Variants in PBRM1 observed in about 807,000 individuals in gnomAD.
PBRM1 encodes polybromo 1.
PBRM1 carries 27 observed loss-of-function variants against 194.5 expected under a neutral mutation model. That is an observed-to-expected ratio of 0.14 (90% CI 0.10 to 0.19). The LOEUF is 0.19. Among genes scored for constraint, PBRM1 ranks in the 10% least tolerant of loss-of-function variants. The probability of loss-of-function intolerance (pLI) is 1.00; values close to 1 mark genes in which losing one functional copy is unlikely to be tolerated. For missense variants in PBRM1, 1,466 were observed against 2,077.2 expected, an observed-to-expected ratio of 0.71 and a Z score of 5.72; for synonymous variants, 655 against 693.2, an observed-to-expected ratio of 0.94 and a Z score of 0.87.
chr3:52,662,878 C>T (rs1205999488), intron 3 of PBRM1, among the ~76,000 whole-genome samples: 2 of 147,806 alleles, frequency 1.4e-5, no homozygotes, highest in African/African-American at 5.0e-5. Flanking sequence ...ATTACTAATA[C>T]ACTAAGAAAG....
chr3:52,553,701 G>A (rs893075541), intron 27 of PBRM1, among the ~76,000 whole-genome samples: 1 of 139,904 alleles, frequency 7.1e-6, no homozygotes, highest in African/African-American at 2.7e-5. Context: ...TCTTGCTGTC[G>A]CCCAGGCTGG....
At chr3:52,574,793 G>A (rs1353554541) in intron 22 of PBRM1, among the ~76,000 whole-genome samples, 3 of 152,220 alleles carry the variant, frequency 2.0e-5, no homozygotes, top group East Asian at 1.9e-4. Flanking sequence ...AAGACTGGGA[G>A]TTTTATGGTT....
At position 52,581,560 on chromosome 3, in the gene PBRM1, A is replaced by C. The variant is rs1208268257; in HGVS notation, c.3388-2361T>G. ...ATACATGACAGGCAAGGGACATCTG[A>C]AAGAATGGAAGCTGTGAATAAAACA... On this transcript the variant is annotated intron_variant, in intron 20 of 29. Transcript: ENST00000296302. Among the ~76,000 whole-genome samples, 3 of 152,004 alleles carry C rather than the reference A, an allele frequency of 2.0e-5. No homozygotes were observed. The East Asian group carries it at 5.8e-4, about 29-fold the overall frequency.
intron 2 of PBRM1, among the ~76,000 whole-genome samples, chr3:52,669,063 T>G (rs1041752682): frequency 1.3e-5 from 2 of 152,192 alleles, no homozygotes; most frequent in African/African-American, 4.8e-5. Flanking sequence ...ACAGATTCTT[T>G]CTTCAGTAAG....
intron 18 of PBRM1, 100 bp downstream of exon 20, chr3:52,588,970 G>T: frequency 1.3e-6 from 1 of 778,480 alleles, no homozygotes; most frequent in Non-Finnish European, 2.2e-6. Flanking sequence ...ATTATGGAAA[G>T]GCTTAAGATG....
intron 27 of PBRM1, among the ~76,000 whole-genome samples, chr3:52,554,387 T>A (rs1216317413): frequency 1.3e-5 from 2 of 152,258 alleles, no homozygotes; most frequent in Admixed American, 1.3e-4. Context: ...CATTCACTGA[T>A]AAGAGGACAC....
At chr3:52,593,604 G>A (rs1317814760) in intron 17 of PBRM1, among the ~76,000 whole-genome samples, 1 of 152,158 alleles carries the variant, frequency 6.6e-6, no homozygotes, top group East Asian at 1.9e-4. Flanking sequence ...CCTTAGCTGT[G>A]TCCCAGAGAT....
At chr3:52,616,996 A>T (rs1216296454) in intron 14 of PBRM1, among the ~76,000 whole-genome samples, 3 of 152,330 alleles carry the variant, frequency 2.0e-5, no homozygotes, top group Admixed American at 2.0e-4. Flanking sequence ...ATAGATGAAG[A>T]AATTGAGGCT....
intron 17 of PBRM1, among the ~76,000 whole-genome samples, chr3:52,596,510 C>CTACTGTTG (rs1052068560): frequency 1.4e-5 from 2 of 138,250 alleles, no homozygotes; most frequent in Non-Finnish European, 3.1e-5. Flanking sequence ...TACTACCTGG[C>CTACTGTTG]TACTGTTGCT....
chr3:52,547,025 T>A (rs946232338), downstream of PBRM1: 1 of 233,266 alleles, frequency 4.3e-6, no homozygotes, highest in African/African-American at 2.2e-5. Context: ...TTCACAATTA[T>A]GCTTCTTATA....
In PBRM1 at chr3:52,651,723, C is replaced by T; in HGVS notation, c.714+19G>A. The T allele has an allele frequency of 6.9e-7, 1 of 1,453,722 alleles. No homozygotes were observed. Among genetic ancestry groups the T allele is most frequent in the African/African-American group, 1.4e-5 (1 of 70,700 alleles). 90.1% of individuals were successfully genotyped at this position (1,453,722 alleles called of 1,614,324 possible). On this transcript the variant is annotated intron_variant, in intron 6 of 29. Coordinates refer to ENST00000296302, the Ensembl canonical transcript of PBRM1. ...ATCTGCTCTAAACCACAATCATTTA[C>T]TTATGGTCATCTTCATACCTGTATC...
Position 52,636,757 on chromosome 3 carries a change from CAAAAAAAAAAAAAAA to C in PBRM1, c.1088-1957_1088-1943del, listed in dbSNP as rs567776784. Among the ~76,000 whole-genome samples the C allele has an allele frequency of 1.3e-3, 25 of 18,684 alleles. 2 individuals are homozygous for C. The Admixed American group carries it at 0.02, about 15-fold the overall frequency. 12.3% of individuals were successfully genotyped at this position (18,684 alleles called of 152,430 possible). A position where few individuals can be genotyped will look rare whatever the true frequency, so the allele number is the denominator to read the frequency against. On this transcript the variant is annotated intron_variant, in intron 10 of 29. Transcript: ENST00000296302. ...GGGCAAAAGAGTGAAACTCTGTCTC[CAAAAAAAAAAAAAAA>C]AAAAAAAAAAAAAAGAATTTAATTA...
At chr3:52,627,734 G>A (rs2095490063) in intron 12 of PBRM1, among the ~76,000 whole-genome samples, 1 of 152,146 alleles carries the variant, frequency 6.6e-6, no homozygotes, top group South Asian at 2.1e-4. Flanking sequence ...TGACTTCTAA[G>A]GGGCAGTGTG....
intron 13 of PBRM1, among the ~76,000 whole-genome samples, chr3:52,626,895 T>C (rs2095465623): frequency 1.3e-5 from 2 of 152,102 alleles, no homozygotes; most frequent in African/African-American, 2.4e-5. Flanking sequence ...AGTGGTAGTA[T>C]CAAATTTCTC....
chr3:52,663,904 A>T (rs1276931466), intron 3 of PBRM1, among the ~76,000 whole-genome samples: 2 of 151,988 alleles, frequency 1.3e-5, no homozygotes, highest in East Asian at 3.9e-4. Context: ...CTGAAAATAC[A>T]AAAAAATTAG....
At chr3:52,596,999 A>G (rs1421563707) in intron 17 of PBRM1, among the ~76,000 whole-genome samples, 1 of 152,066 alleles carries the variant, frequency 6.6e-6, no homozygotes. Flanking sequence ...CTGGAACCCA[A>G]GTTCTGACAA....
intron 3 of PBRM1, among the ~76,000 whole-genome samples, chr3:52,667,090 T>C (rs1198694561): frequency 5.6e-4 from 86 of 152,228 alleles, no homozygotes; most frequent in Admixed American, 1.9e-3. Context: ...AATTGATTCC[T>C]ACCTTATAAA....
chr3:52,644,623 TC>T, intron 8 of PBRM1, 80 bp downstream of exon 9: 1 of 593,276 alleles, frequency 1.7e-6, no homozygotes, highest in Non-Finnish European at 3.0e-6. Flanking sequence ...GACCTCGTGA[TC>T]CGCCCACCTC....
intron 2 of PBRM1, 142 bp downstream of exon 3, chr3:52,678,358 T>TACTAAAG: frequency 1.7e-6 from 1 of 573,468 alleles, no homozygotes; most frequent in East Asian, 2.8e-5. Context: ...ACAGCTTGAT[T>TACTAAAG]ACTAAAGACT....
Sources: gnomAD v4.1 joint callset for allele counts (sites outside exome capture counted in the v4.1 genomes callset) on GRCh38, gnomAD v4.1.1 for gene constraint, MANE v1.5 for transcripts, NCBI Gene and HGNC (gene_info 2026-07-23, HGNC 2026-07-21) for gene names.